MEGF6: variants seen among roughly 807,000 people sequenced by gnomAD.
MEGF6 encodes multiple epidermal growth factor-like domains protein 6.
Under a neutral mutation model 207.1 loss-of-function variants are expected in MEGF6, and 184 were observed. The observed-to-expected ratio is 0.89, with a 90% CI of 0.79 to 1.00. The LOEUF is 1.00. MEGF6 is among the 50% of genes least tolerant of loss of function. The pLI is 0.00. For missense variants in MEGF6, 2,282 were observed against 2,202.9 expected, an observed-to-expected ratio of 1.04 and a Z score of -0.72; for synonymous variants, 1,038 against 910.0, an observed-to-expected ratio of 1.14 and a Z score of -2.53.
chr1:3,504,364 C>T (rs567627445), intron 17 of MEGF6, among the ~76,000 whole-genome samples: 2 of 152,226 alleles, frequency 1.3e-5, no homozygotes, highest in African/African-American at 2.4e-5. Flanking sequence ...CCTCATAAGC[C>T]GATGACACAC....
rs1007898271 is a variant in MEGF6, at chr1:3,601,281, C to T, written c.266+1185G>A. Among the ~76,000 whole-genome samples the T allele has an allele frequency of 5.3e-5, 8 of 152,256 alleles. No individual in the cohort carries two copies. The East Asian group carries it at 5.8e-4, about 11-fold the overall frequency. On this transcript the variant is annotated intron_variant, in intron 2 of 36. Coordinates refer to ENST00000356575, the MANE Select transcript of MEGF6 (RefSeq NM_001409.4). ...GAGCTCTTCCACCACGAGCTGTTGGCGGGAGACCTGGCTGATGCAAACAAA... is the reference window on the plus strand; with the variant it reads ...GAGCTCTTCCACCACGAGCTGTTGGTGGGAGACCTGGCTGATGCAAACAAA...
chr1:3,546,673 G>A (rs1642718600), intron 4 of MEGF6, among the ~76,000 whole-genome samples: 2 of 145,170 alleles, frequency 1.4e-5, no homozygotes, highest in East Asian at 4.1e-4. Context: ...GGGAGGCCGA[G>A]GTGGGGTGGC....
chr1:3,490,825 G>A (rs1557708364), intron 36 of MEGF6, 87 bp downstream of exon 36: 1 of 1,488,148 alleles, frequency 6.7e-7, no homozygotes. Flanking sequence ...TGCCCTGTGG[G>A]GCCCAGATTA....
Position 3,547,786 on chromosome 1 carries a change from T to TC in MEGF6, c.482-23541dup, listed in dbSNP as rs370931163. 6.4e-3 allele frequency among the ~76,000 whole-genome samples: 969 copies of TC among 152,304 alleles called. 11 individuals are homozygous for TC. The highest frequency in any genetic ancestry group is 0.057 in the South Asian group (273 of 4,824). ...TGCGGGTGCGGGAATGTGGCAGTTC[T>TC]CCCGGGGTGCGCCTCTGCCTGGTTC... On this transcript the variant is annotated intron_variant, in intron 4 of 36. Coordinates refer to ENST00000356575, the MANE Select transcript of MEGF6 (RefSeq NM_001409.4).
intron 4 of MEGF6, among the ~76,000 whole-genome samples, chr1:3,575,166 T>C (rs1183687895): frequency 6.6e-6 from 1 of 152,182 alleles, no homozygotes; most frequent in African/African-American, 2.4e-5. Context: ...CAAGCCCAGG[T>C]CACCAGTGGG....
At chr1:3,511,932 AGCAG>A (rs753839933) in intron 8 of MEGF6, 70 bp downstream of exon 8, 280 of 1,600,254 alleles carry the variant, frequency 1.7e-4, no homozygotes, top group Non-Finnish European at 2.1e-4. Flanking sequence ...CTTCAGCCAA[AGCAG>A]GCCTCGGGGT....
Position 3,493,878 on chromosome 1 carries a change from C to G in MEGF6, c.4280G>C (p.Gly1427Ala). Residue 1427 changes from glycine to alanine, a missense_variant, in exon 34 of 37, where the codon GGA (glycine) becomes GCA (alanine). Transcript: ENST00000356575. ...GTCACAGCGCTGGTGGCAGCCCTCT[C>G]CAAATGAACCTGGCTCACACCCTGG... The part of the protein sequence containing the change: ...CERGCEPGSF[G>A]EGCHQRCDCD... The G allele has an allele frequency of 6.3e-7, 1 of 1,593,838 alleles. No individual in the cohort carries two copies. The highest frequency in any genetic ancestry group is 1.1e-5 in the South Asian group (1 of 88,494).
At chr1:3,621,278 C>T in the MEGF6 span, among the ~76,000 whole-genome samples, 54 of 152,350 alleles carry the variant, frequency 3.5e-4, no homozygotes, top group African/African-American at 1.2e-3. Flanking sequence ...CACTAGACCA[C>T]GGTCCGCTTG....
At chr1:3,593,371 G>A (rs994157262) in intron 3 of MEGF6, among the ~76,000 whole-genome samples, 3 of 152,068 alleles carry the variant, frequency 2.0e-5, no homozygotes, top group South Asian at 2.1e-4. Context: ...GGACGGCATC[G>A]GGGGAACGCG....
intron 35 of MEGF6, among the ~76,000 whole-genome samples, chr1:3,491,701 C>A (rs1640374910): frequency 6.6e-6 from 1 of 151,732 alleles, no homozygotes; most frequent in South Asian, 2.1e-4. Context: ...CCGCACAGGC[C>A]CCAAGCCTGC....
intron 3 of MEGF6, among the ~76,000 whole-genome samples, chr1:3,581,403 T>A (rs1643794270): frequency 6.6e-6 from 1 of 152,084 alleles, no homozygotes; most frequent in Admixed American, 6.5e-5. Flanking sequence ...AGCCTGAGGA[T>A]GTGTCCGAAC....
At position 3,511,653 on chromosome 1, in the gene MEGF6, G is replaced by A. The variant is rs749747829; in HGVS notation, c.1011C>T (p.Ala337=). ...IEMEIVNSCE[A]NNGGCSHGCS... ...AGCCATGGGAGCAGCCGCCGTTGTT[G>A]GCCTCACAGCTGTTCACGATTTCCA... The change falls in exon 9 of 37, where the codon GCC becomes GCT. Residue 337 remains alanine (A), a synonymous_variant. Transcript: ENST00000356575. 28 of 1,612,028 alleles carry A rather than the reference G, an allele frequency of 1.7e-5. No homozygotes were observed. The highest frequency in any genetic ancestry group is 1.6e-4 in the Middle Eastern group (1 of 6,078).
At chr1:3,602,352 G>A (rs1048214124) in intron 2 of MEGF6, 114 bp downstream of exon 2, 61 of 1,458,402 alleles carry the variant, frequency 4.2e-5, no homozygotes, top group Admixed American at 1.1e-4. Flanking sequence ...CAGGGGTTGC[G>A]TGTGGCCCTG....
chr1:3,507,129 C>A (rs936267891), intron 14 of MEGF6, among the ~76,000 whole-genome samples: 3 of 152,316 alleles, frequency 2.0e-5, no homozygotes, highest in South Asian at 4.1e-4. Context: ...CACCACCAGG[C>A]AACCAGCCCT....
the MEGF6 span, among the ~76,000 whole-genome samples, chr1:3,617,651 A>G: frequency 6.6e-6 from 1 of 152,216 alleles, no homozygotes; most frequent in Non-Finnish European, 1.5e-5. Context: ...TGAAGAAAAA[A>G]TAAATTAAAC....
chr1:3,502,510 A>T (rs1217118651), intron 17 of MEGF6, among the ~76,000 whole-genome samples: 2 of 152,064 alleles, frequency 1.3e-5, no homozygotes, highest in Admixed American at 6.5e-5. Flanking sequence ...CCGCAGAGTC[A>T]CTGCCCTTTC....
At chr1:3,523,446 C>G (rs374670606) in intron 5 of MEGF6, among the ~76,000 whole-genome samples, 1 of 152,130 alleles carries the variant, frequency 6.6e-6, no homozygotes. Context: ...TCCCTCCCTG[C>G]GGCCACAGTC....
intron 5 of MEGF6, among the ~76,000 whole-genome samples, chr1:3,516,402 C>T (rs746166415): frequency 1.3e-5 from 2 of 152,206 alleles, no homozygotes; most frequent in African/African-American, 2.4e-5. Context: ...AGAGGGAAGC[C>T]GCAAGAATGT....
At chr1:3,519,864 C>A (rs1017865628) in intron 5 of MEGF6, among the ~76,000 whole-genome samples, 1 of 152,220 alleles carries the variant, frequency 6.6e-6, no homozygotes, top group African/African-American at 2.4e-5. Context: ...AGGGAAGAGT[C>A]TGCCCCAGGG....
Sources: gnomAD v4.1 joint callset for allele counts (sites outside exome capture counted in the v4.1 genomes callset) on GRCh38, gnomAD v4.1.1 for gene constraint, MANE v1.5 for transcripts, NCBI Gene and HGNC (gene_info 2026-07-23, HGNC 2026-07-21) for gene names.